Variants in KCNIP4 observed in about 807,000 individuals in gnomAD.
KCNIP4 encodes the protein Kv channel-interacting protein 4.
KCNIP4 carries 12 observed loss-of-function variants against 34.0 expected under a neutral mutation model. That is an observed-to-expected ratio of 0.35 (90% CI 0.23 to 0.57). KCNIP4 has a LOEUF of 0.57. Ranked by LOEUF, KCNIP4 falls within the 20% of genes least tolerant of loss-of-function variation. The probability of loss-of-function intolerance (pLI) is 0.83; values close to 1 mark genes in which losing one functional copy is unlikely to be tolerated. For synonymous variants in KCNIP4, 124 were observed against 102.2 expected (o/e 1.21, Z -1.29); for missense variants, 238 against 311.7 (o/e 0.76, Z 1.78).
intron 1 of KCNIP4, among the ~76,000 whole-genome samples, chr4:21,673,908 T>C (rs1477188945): frequency 6.6e-6 from 1 of 152,218 alleles, no homozygotes; most frequent in Non-Finnish European, 1.5e-5. Context: ...TGTCAGTTAA[T>C]TGACACATTA....
At chr4:21,367,266 C>A (rs1406503139) in intron 1 of KCNIP4, among the ~76,000 whole-genome samples, 2 of 152,146 alleles carry the variant, frequency 1.3e-5, no homozygotes, top group Non-Finnish European at 2.9e-5. Flanking sequence ...CTTACTTTAC[C>A]TTTTGACCAA....
chr4:21,538,882 G>C (rs1737451059), intron 1 of KCNIP4, among the ~76,000 whole-genome samples: 1 of 152,160 alleles, frequency 6.6e-6, no homozygotes, highest in Non-Finnish European at 1.5e-5. Context: ...GTTTGGCTCT[G>C]TGTCCCCACC....
intron 1 of KCNIP4, among the ~76,000 whole-genome samples, chr4:21,431,942 G>A (rs1452792939): frequency 6.6e-6 from 1 of 150,470 alleles, no homozygotes; most frequent in Non-Finnish European, 1.5e-5. Flanking sequence ...AAAAGCTACT[G>A]ATAAATAATA....
At chr4:21,735,312 C>G (rs924744971) in intron 1 of KCNIP4, among the ~76,000 whole-genome samples, 1 of 151,972 alleles carries the variant, frequency 6.6e-6, no homozygotes, top group East Asian at 1.9e-4. Flanking sequence ...CTGAACATAG[C>G]AATTATTAAA....
At chr4:21,523,889 A>G (rs1317854381) in intron 1 of KCNIP4, among the ~76,000 whole-genome samples, 1 of 151,984 alleles carries the variant, frequency 6.6e-6, no homozygotes, top group Non-Finnish European at 1.5e-5. Flanking sequence ...GCTTTTTGAC[A>G]CCTTTACATG....
At chr4:21,879,319 C>A (rs1445296384) in intron 1 of KCNIP4, among the ~76,000 whole-genome samples, 1 of 152,128 alleles carries the variant, frequency 6.6e-6, no homozygotes, top group East Asian at 1.9e-4. Flanking sequence ...CCAAGCAAAC[C>A]CCATGAACTG....
intron 1 of KCNIP4, among the ~76,000 whole-genome samples, chr4:21,654,710 T>C (rs572982792): frequency 3.9e-5 from 6 of 152,118 alleles, no homozygotes; most frequent in Admixed American, 3.9e-4. Context: ...GATCACGAGG[T>C]CAGGAGATCG....
chr4:21,944,633 G>C (rs1203402515), intron 1 of KCNIP4, among the ~76,000 whole-genome samples: 4 of 151,820 alleles, frequency 2.6e-5, no homozygotes, highest in Admixed American at 2.0e-4. Flanking sequence ...AGTGGGAAAG[G>C]CTTCATTCAT....
intron 1 of KCNIP4, among the ~76,000 whole-genome samples, chr4:20,921,027 A>G (rs1032092640): frequency 6.6e-6 from 1 of 152,104 alleles, no homozygotes; most frequent in Non-Finnish European, 1.5e-5. Flanking sequence ...AAGCTTTGCC[A>G]CAGGATAGAG....
intron 3 of KCNIP4, among the ~76,000 whole-genome samples, chr4:20,785,235 G>GACCAATACT (rs1343669189): frequency 1.3e-5 from 2 of 151,894 alleles, no homozygotes. Context: ...TGGTAGGTAG[G>GACCAATACT]ACCAATACTT....
intron 1 of KCNIP4, among the ~76,000 whole-genome samples, chr4:20,952,861 C>G (rs978008336): frequency 4.6e-5 from 7 of 152,202 alleles, no homozygotes; most frequent in Admixed American, 4.6e-4. Context: ...AGTCTAAGAT[C>G]AAGTGCTGGG....
At chr4:20,848,138 A>G (rs11735642) in intron 3 of KCNIP4, among the ~76,000 whole-genome samples, 95,779 of 152,002 alleles carry the variant, frequency 0.63, 30,433 homozygotes, top group South Asian at 0.77. Flanking sequence ...ATGTCGATTA[A>G]TATTTTCTGA....
intron 1 of KCNIP4, among the ~76,000 whole-genome samples, chr4:21,573,016 C>T (rs1169731725): frequency 6.6e-6 from 1 of 152,134 alleles, no homozygotes; most frequent in East Asian, 1.9e-4. Flanking sequence ...GTTTGGTCTT[C>T]ATCTTTTCAG....
chr4:21,630,613 G>A (rs1361096339), intron 1 of KCNIP4, among the ~76,000 whole-genome samples: 4 of 151,950 alleles, frequency 2.6e-5, no homozygotes, highest in Non-Finnish European at 1.5e-5. Flanking sequence ...CCAGCATCAA[G>A]TGTTAGGCTT....
In KCNIP4 at chr4:21,284,162, G is replaced by A. The variant is rs542169364; in HGVS notation, c.62-401453C>T. Among the ~76,000 whole-genome samples, 196 of 151,130 alleles carry A rather than the reference G, an allele frequency of 1.3e-3. 1 individual carries two copies. The highest frequency in any genetic ancestry group is 4.2e-3 in the African/African-American group (173 of 41,188). On this transcript the variant is annotated intron_variant, in intron 1 of 8. Transcript: ENST00000382152. ...CAGGAGGCAGAGCTTGCAGTGAGCC[G>A]AGATTGCACCACTGCACTCCAGCCT...
At chr4:21,346,089 T>TATA (rs1717297618) in intron 1 of KCNIP4, among the ~76,000 whole-genome samples, 1 of 128,312 alleles carries the variant, frequency 7.8e-6, no homozygotes, top group African/African-American at 3.0e-5. Flanking sequence ...TTTAAGATAT[T>TATA]TAAGATATCT....
intron 1 of KCNIP4, among the ~76,000 whole-genome samples, chr4:21,192,464 CA>C (rs1755723159): frequency 6.6e-6 from 1 of 152,006 alleles, no homozygotes; most frequent in Admixed American, 6.6e-5. Flanking sequence ...ACTATAATAT[CA>C]AAAGAGAAAA....
chr4:21,608,830 A>G (rs1213994706), intron 1 of KCNIP4: 1 of 152,146 alleles, frequency 6.6e-6, no homozygotes, highest in East Asian at 1.9e-4. Context: ...CTCAAAGAAA[A>G]TCAAGGCATA....
intron 1 of KCNIP4, among the ~76,000 whole-genome samples, chr4:21,732,212 C>A (rs1715658684): frequency 6.6e-6 from 1 of 151,912 alleles, no homozygotes; most frequent in Admixed American, 6.6e-5. Flanking sequence ...TCTTCATTAA[C>A]TCCCTTTATA....
Sources: allele counts gnomAD v4.1 joint callset (sites outside exome capture counted in the v4.1 genomes callset), GRCh38; gene constraint gnomAD v4.1.1; transcripts MANE v1.5; gene names NCBI Gene and HGNC (gene_info 2026-07-23, HGNC 2026-07-21).